ADARB2: variants seen among roughly 807,000 people sequenced by gnomAD.
The protein encoded by ADARB2 is inactive double-stranded RNA-specific editase B2.
In ADARB2, 25 loss-of-function variants were observed where a neutral mutation model predicts 62.2. The observed-to-expected ratio is 0.40, with a 90% CI of 0.29 to 0.56. The LOEUF is 0.56. ADARB2 is among the 20% of genes least tolerant of loss of function. The probability of loss-of-function intolerance (pLI) is 0.43; values close to 1 mark genes in which losing one functional copy is unlikely to be tolerated. For missense variants in ADARB2, 1,071 were observed against 1,077.4 expected (o/e 0.99, Z 0.08); for synonymous variants, 572 against 500.8 (o/e 1.14, Z -1.90).
At chr10:1,703,840 A>G (rs1333598586) in intron 1 of ADARB2, among the ~76,000 whole-genome samples, 1 of 152,204 alleles carries the variant, frequency 6.6e-6, no homozygotes, top group Non-Finnish European at 1.5e-5. Context: ...TTCACTATAC[A>G]CTGGCTTTCA....
chr10:1,726,990 T>G (rs981575933), intron 1 of ADARB2, among the ~76,000 whole-genome samples: 4 of 152,206 alleles, frequency 2.6e-5, no homozygotes, highest in African/African-American at 9.6e-5. Context: ...CTAGAGCTTC[T>G]GTTCCTGCTT....
chr10:1,192,243 T>C (rs996072608), intron 8 of ADARB2, among the ~76,000 whole-genome samples: 4 of 152,242 alleles, frequency 2.6e-5, no homozygotes, highest in African/African-American at 7.2e-5. Context: ...TCTGTGTCAC[T>C]GGGTAGCACT....
chr10:1,538,084 C>A (rs1832356509), intron 1 of ADARB2, among the ~76,000 whole-genome samples: 1 of 152,220 alleles, frequency 6.6e-6, no homozygotes, highest in African/African-American at 2.4e-5. Context: ...GCTTCTGAGA[C>A]ACACACAGAT....
chr10:1,509,392 T>A lies in ADARB2; in HGVS notation c.101-130232A>T, dbSNP rs375946645. On this transcript the variant is annotated intron_variant, in intron 1 of 9. Transcript: ENST00000381312. ...TAAATTTAGCTCGATGCTTTCTCAC[T>A]ATTAACTAATTCTGAAGAAGCCCTC... Among the ~76,000 whole-genome samples, 154 of 152,338 alleles carry A rather than the reference T, an allele frequency of 1.0e-3. 4 individuals carry two copies. In the South Asian group the frequency reaches 0.031, roughly 31 times the overall value.
chr10:1,214,189 G>A (rs1469009701), intron 7 of ADARB2, among the ~76,000 whole-genome samples: 4 of 151,986 alleles, frequency 2.6e-5, no homozygotes, highest in East Asian at 1.9e-4. Context: ...ACCTGCTGGC[G>A]TTGCATGGGT....
intron 1 of ADARB2, among the ~76,000 whole-genome samples, chr10:1,530,107 G>A (rs1022837226): frequency 1.3e-5 from 2 of 152,108 alleles, no homozygotes; most frequent in African/African-American, 2.4e-5. Flanking sequence ...CTGCCAATGC[G>A]GGCACCCACC....
intron 1 of ADARB2, among the ~76,000 whole-genome samples, chr10:1,682,095 A>G (rs1022442336): frequency 2.0e-5 from 3 of 152,200 alleles, no homozygotes; most frequent in Non-Finnish European, 4.4e-5. Flanking sequence ...TTTGAAATCT[A>G]TTTTCTTAAA....
intron 3 of ADARB2, among the ~76,000 whole-genome samples, chr10:1,280,987 C>T (rs1185195923): frequency 5.9e-5 from 9 of 152,146 alleles, no homozygotes; most frequent in Admixed American, 2.0e-4. Context: ...CCGTGGGTTA[C>T]GGCAACAATG....
At chr10:1,685,970 C>T (rs977706243) in intron 1 of ADARB2, among the ~76,000 whole-genome samples, 1 of 152,242 alleles carries the variant, frequency 6.6e-6, no homozygotes, top group Non-Finnish European at 1.5e-5. Flanking sequence ...TGGACACTCC[C>T]ACACCCACTC....
intron 1 of ADARB2, among the ~76,000 whole-genome samples, chr10:1,515,831 G>T (rs867146723): frequency 6.6e-6 from 1 of 152,252 alleles, no homozygotes; most frequent in Non-Finnish European, 1.5e-5. Flanking sequence ...TCACTCAGCC[G>T]ATTTGTGAGC....
chr10:1,311,345 C>A (rs1831688807), intron 3 of ADARB2, among the ~76,000 whole-genome samples: 1 of 152,172 alleles, frequency 6.6e-6, no homozygotes, highest in African/African-American at 2.4e-5. Flanking sequence ...AAAAGCCTAA[C>A]AAAAGGCTTT....
chr10:1,716,039 G>A (rs1022102947), intron 1 of ADARB2, among the ~76,000 whole-genome samples: 2 of 152,080 alleles, frequency 1.3e-5, no homozygotes, highest in African/African-American at 4.8e-5. Context: ...TGTGCCCTGC[G>A]CGTTCCATCA....
At chr10:1,678,210 G>T (rs184897590) in intron 1 of ADARB2, 2 of 985,380 alleles carry the variant, frequency 2.0e-6, no homozygotes, top group African/African-American at 3.5e-5. Flanking sequence ...CAGGGTGAGT[G>T]GCCTCAGGGT....
At chr10:1,724,063 C>T (rs999542013) in intron 1 of ADARB2, among the ~76,000 whole-genome samples, 4 of 152,178 alleles carry the variant, frequency 2.6e-5, no homozygotes, top group Non-Finnish European at 2.9e-5. Flanking sequence ...AAAATTCATG[C>T]ATTTAAGTCC....
At chr10:1,544,019 A>G (rs1268613141) in intron 1 of ADARB2, among the ~76,000 whole-genome samples, 1 of 4,608 alleles carries the variant, frequency 2.2e-4, no homozygotes, top group Non-Finnish European at 2.9e-3. Context: ...AAAAACAAAC[A>G]AAAAAAAAAA....
chr10:1,337,043 C>T (rs1345873922), intron 3 of ADARB2, among the ~76,000 whole-genome samples: 1 of 145,534 alleles, frequency 6.9e-6, no homozygotes, highest in Non-Finnish European at 1.5e-5. Flanking sequence ...AGATTTTTCC[C>T]TTTTTTACTT....
chr10:1,283,303 A>G (rs960931453), intron 3 of ADARB2, among the ~76,000 whole-genome samples: 6 of 152,192 alleles, frequency 3.9e-5, no homozygotes, highest in Non-Finnish European at 5.9e-5. Flanking sequence ...GGTCATTGAA[A>G]TCGTGCTACT....
At chr10:1,216,788 G>A in intron 7 of ADARB2, 163 bp downstream of exon 7, 1 of 971,766 alleles carries the variant, frequency 1.0e-6, no homozygotes, top group Non-Finnish European at 1.5e-6. Flanking sequence ...GTGTGGGACT[G>A]AACATGTGGA....
intron 1 of ADARB2, among the ~76,000 whole-genome samples, chr10:1,597,149 A>G (rs1207656507): frequency 6.6e-6 from 1 of 152,236 alleles, no homozygotes; most frequent in Non-Finnish European, 1.5e-5. Flanking sequence ...GTAAGCCTTC[A>G]TTAAAATCTT....
Sources: allele counts gnomAD v4.1 joint callset (sites outside exome capture counted in the v4.1 genomes callset), GRCh38; gene constraint gnomAD v4.1.1; transcripts MANE v1.5; gene names NCBI Gene and HGNC (gene_info 2026-07-23, HGNC 2026-07-21).